CHDH: variants seen among roughly 807,000 people sequenced by gnomAD.
CHDH encodes the protein choline dehydrogenase.
In CHDH, 43 loss-of-function variants were observed where a neutral mutation model predicts 56.9. The observed-to-expected ratio is 0.76, with a 90% CI of 0.59 to 0.97. The LOEUF is 0.97. Among genes scored for constraint, CHDH ranks in the 50% least tolerant of loss-of-function variants. The pLI, the probability that CHDH is intolerant of heterozygous loss-of-function variation, is 0.00. For synonymous variants in CHDH, 364 were observed against 348.5 expected (o/e 1.04, Z -0.50); for missense variants, 816 against 821.1 (o/e 0.99, Z 0.08).
At chr3:53,843,487 G>C (rs1040722910) in intron 1 of CHDH, among the ~76,000 whole-genome samples, 1 of 152,026 alleles carries the variant, frequency 6.6e-6, no homozygotes, top group African/African-American at 2.4e-5. Context: ...CTAGGGTCTG[G>C]GTCAGGGCCA....
At chr3:53,831,289 C>T (rs1234327371) in intron 2 of CHDH, among the ~76,000 whole-genome samples, 1 of 152,260 alleles carries the variant, frequency 6.6e-6, no homozygotes, top group Non-Finnish European at 1.5e-5. Flanking sequence ...ACTCCAGTAC[C>T]TGGCTCCCGG....
chr3:53,823,583 C>G lies in CHDH; in HGVS notation c.426G>C (p.Gly142=). 1 of 1,543,544 alleles carries G rather than the reference C, an allele frequency of 6.5e-7. No homozygotes were observed. ...GCCAGCGCTCGTAGTCCTCGGCGTG[C>G]CCACGGACGTAGACCATGGCATTGA... is the stretch of plus-strand genomic sequence containing the variant. The part of the protein sequence containing the change: ...SSLNAMVYVR[G]HAEDYERWQR... The change falls in exon 3 of 9, where the codon GGG becomes GGC. Residue 142 remains glycine (G), a synonymous_variant. Coordinates refer to ENST00000315251, the MANE Select transcript of CHDH (RefSeq NM_018397.5).
At position 53,823,371 on chromosome 3, in the gene CHDH, A is replaced by G; in HGVS notation, c.638T>C (p.Leu213Pro). The G allele has an allele frequency of 6.2e-7, 1 of 1,605,164 alleles. No individual in the cohort carries two copies. Among genetic ancestry groups the G allele is most frequent in the Non-Finnish European group, 8.5e-7 (1 of 1,175,222 alleles). Residue 213 changes from leucine to proline, a missense_variant, in exon 3 of 9, where the codon CTC becomes CCC. By Grantham distance (98) the Leu-to-Pro change is moderately conservative. Transcript: ENST00000315251. ...CTGGAAGCCATTCATGTCCTCGGTG[A>G]GCGGGTAGCCGGCCTGCTGCGTGGC... is the stretch of plus-strand genomic sequence containing the variant. ...LEATQQAGYP[L>P]TEDMNGFQQE...
Position 53,823,739 on chromosome 3 carries a change from C to T in CHDH, c.270G>A (p.Met90Ile), listed in dbSNP as rs776276928. ...ACAGGTTGGCCACCAGGGCCGCGGG[C>T]ATGTGGATCTTCCACGAGAGCCGCT... ...GSKRLSWKIH[M>I]PAALVANLCD... The change falls in exon 3 of 9, where the codon ATG becomes ATA. Residue 90 changes from methionine to isoleucine, a missense_variant. Physicochemically the swap from Met to Ile is conservative, Grantham distance 10 (BLOSUM62 1). Coordinates refer to ENST00000315251, the MANE Select transcript of CHDH (RefSeq NM_018397.5). The T allele has an allele frequency of 5.8e-5, 90 of 1,555,262 alleles. No homozygotes were observed. The highest frequency in any genetic ancestry group is 4.2e-5 in the Non-Finnish European group (48 of 1,150,744).
rs1052143946 is a variant in CHDH at position 53,823,849 on chromosome 3, C to T, written c.160G>A (p.Val54Met). Residue 54 changes from valine (V) to methionine (M), a missense_variant, in exon 3 of 9, where the codon GTG becomes ATG. Transcript: ENST00000315251. Reference sequence around the variant, plus strand: ...TCCTCCGTGAGCCTCCCAGCCAGCACGCAGCCCGCCGAGCCCGCGCCCACC... The same window carrying T: ...TCCTCCGTGAGCCTCCCAGCCAGCATGCAGCCCGCCGAGCCCGCGCCCACC... ...VVVGAGSAGCVLAGRLTEDPA... is the reference protein window; with the variant it reads ...VVVGAGSAGCMLAGRLTEDPA... 3.2e-6 allele frequency: 5 copies of T among 1,586,050 alleles called. No homozygotes were observed. The highest frequency in any genetic ancestry group is 1.7e-5 in the Admixed American group (1 of 57,726).
At position 53,840,468 on chromosome 3, in the gene CHDH, C is replaced by T. The variant is rs372759199; in HGVS notation, c.-60+461G>A. 2.6e-5 allele frequency among the ~76,000 whole-genome samples: 4 copies of T among 151,702 alleles called. No individual in the cohort carries two copies. The East Asian group carries it at 7.7e-4, about 29-fold the overall frequency. ...GCTTGAGCCCAGGAGTTCAAGGTTACGTGAGCTATGATCTTGCCACTGTAC... is the reference window on the plus strand; with the variant it reads ...GCTTGAGCCCAGGAGTTCAAGGTTATGTGAGCTATGATCTTGCCACTGTAC... On this transcript the variant is annotated intron_variant, in intron 2 of 8. Coordinates refer to ENST00000315251, the MANE Select transcript of CHDH (RefSeq NM_018397.5).
At position 53,818,013 on chromosome 3, in the gene CHDH, T is replaced by C. The variant is rs2095618840; in HGVS notation, c.1549A>G (p.Lys517Glu). 1 of 1,614,116 alleles carries C rather than the reference T, an allele frequency of 6.2e-7. No homozygotes were observed. Among genetic ancestry groups the C allele is most frequent in the Non-Finnish European group, 8.5e-7 (1 of 1,180,050 alleles). The change falls in exon 9 of 9, where the codon AAG (lysine) becomes GAG (glutamate). Residue 517 changes from lysine to glutamate, a missense_variant. Coordinates refer to ENST00000315251, the MANE Select transcript of CHDH (RefSeq NM_018397.5). ...DSAYHPSCTC[K>E]MGQPSDPTAV... Reference sequence around the variant, plus strand: ...GTGGGATCGGAGGGCTGGCCCATCTTACAGGTGCACGAGGGGTGGTAGGCG... The same window carrying C: ...GTGGGATCGGAGGGCTGGCCCATCTCACAGGTGCACGAGGGGTGGTAGGCG...
intron 1 of CHDH, among the ~76,000 whole-genome samples, chr3:53,842,660 C>A (rs1444583816): frequency 6.6e-6 from 1 of 152,204 alleles, no homozygotes; most frequent in Non-Finnish European, 1.5e-5. Context: ...GCTGAGTTAA[C>A]ACCTAGCCTG....
In CHDH at chr3:53,823,878, A is replaced by G; in HGVS notation, c.131T>C (p.Val44Ala). ...GSESRDEYSY[V>A]VVGAGSAGCV... ...GCCCGCCGAGCCCGCGCCCACCACC[A>G]CATAGCTGTACTCGTCCCGGCTCTC... is the stretch of plus-strand genomic sequence containing the variant. The change falls in exon 3 of 9, where the codon GTG (valine) becomes GCG (alanine). Residue 44 changes from valine to alanine, a missense_variant. Val to Ala is a moderately conservative substitution (Grantham distance 64). Transcript: ENST00000315251. The G allele has an allele frequency of 6.3e-7, 1 of 1,590,174 alleles. No homozygotes were observed. Among genetic ancestry groups the G allele is most frequent in the Non-Finnish European group, 8.5e-7 (1 of 1,175,904 alleles).
intron 2 of CHDH, among the ~76,000 whole-genome samples, chr3:53,829,110 C>T (rs544631570): frequency 6.6e-6 from 1 of 152,192 alleles, no homozygotes; most frequent in South Asian, 2.1e-4. Flanking sequence ...AAGGAGGAAA[C>T]TTAAATGCAT....
intron 2 of CHDH, among the ~76,000 whole-genome samples, chr3:53,827,832 A>C (rs991946395): frequency 2.6e-5 from 4 of 152,248 alleles, no homozygotes; most frequent in Admixed American, 2.6e-4. Flanking sequence ...CTACAAATTC[A>C]ATGCAGTCCC....
rs768771121 is a variant in CHDH, at chr3:53,817,966, T to C, written c.1596A>G (p.Thr532=). The change falls in exon 9 of 9, where the codon ACA becomes ACG. Residue 532 remains threonine, a synonymous_variant. Transcript: ENST00000315251. The stretch of plus-strand genomic sequence containing the variant: ...TGAGGTTTTCCACCCCGAGGACCCT[T>C]GTCTGCGGATCCACCACGGCAGTGG... ...SDPTAVVDPQ[T]RVLGVENLRV... 1.2e-6 allele frequency: 2 copies of C among 1,614,166 alleles called. No homozygotes were observed.
chr3:53,820,740 C>G (rs902327007), intron 5 of CHDH, 132 bp from the exon 6 acceptor site: 8 of 1,189,598 alleles, frequency 6.7e-6, no homozygotes, highest in Admixed American at 2.5e-5. Context: ...GTTCCCTGGT[C>G]TCAGCTTAAA....
chr3:53,827,490 A>AAT (rs3079408), intron 2 of CHDH, among the ~76,000 whole-genome samples: 18,702 of 152,024 alleles, frequency 0.12, 2,025 homozygotes, highest in East Asian at 0.29. Flanking sequence ...TCTCTAAAAA[A>AAT]AAATAACTAG....
chr3:53,820,394 A>C, intron 6 of CHDH, 80 bp downstream of exon 6: 1 of 1,500,510 alleles, frequency 6.7e-7, no homozygotes, highest in Non-Finnish European at 9.0e-7. Flanking sequence ...CAGTGGCCAG[A>C]ACCCCTGTTC....
In CHDH at chr3:53,817,579, T is replaced by TG. The variant is rs2095617996; in HGVS notation, c.*197dup. On this transcript the variant is annotated 3_prime_UTR_variant, in exon 9 of 9. Coordinates refer to ENST00000315251, the MANE Select transcript of CHDH (RefSeq NM_018397.5). ...CCCCAAATGGCCCACAGGGAAAGGCTGGGGAAAAGGAGCTGGATTCACTGC... is the reference window on the plus strand; with the variant it reads ...CCCCAAATGGCCCACAGGGAAAGGCTGGGGGAAAAGGAGCTGGATTCACTGC... 7.2e-6 allele frequency: 4 copies of TG among 558,350 alleles called. No homozygotes were observed. In the South Asian group the frequency reaches 1.1e-4, roughly 15 times the overall value. The allele number at this position is 558,350 out of a possible 1,614,324, so 34.6% of individuals were successfully genotyped here.
chr3:53,842,842 G>A (rs530847708), intron 1 of CHDH, among the ~76,000 whole-genome samples: 102 of 152,278 alleles, frequency 6.7e-4, no homozygotes, highest in African/African-American at 2.4e-3. Context: ...CAGAACATGG[G>A]GTTGAGGGAG....
Position 53,818,199 on chromosome 3 carries a change from T to A in CHDH, c.1367-4A>T, listed in dbSNP as rs2095619290. ...CGGAAATCCTCAATATCAGTTTCTG[T>A]CGAGGAGAAGAAACAGGTGAGGACC... is the stretch of plus-strand genomic sequence containing the variant. On this transcript the variant is annotated splice_region_variant and splice_polypyrimidine_tract_variant and intron_variant, in intron 8 of 8. Transcript: ENST00000315251. The A allele has an allele frequency of 6.3e-7, 1 of 1,593,352 alleles. No homozygotes were observed. The highest frequency in any genetic ancestry group is 1.3e-5 in the African/African-American group (1 of 74,310).
At chr3:53,828,207 T>C (rs1698211812) in intron 2 of CHDH, among the ~76,000 whole-genome samples, 1 of 133,516 alleles carries the variant, frequency 7.5e-6, no homozygotes, top group Non-Finnish European at 1.6e-5. Context: ...ACAGAGTAAA[T>C]ATAGACAAAG....
Sources: allele counts gnomAD v4.1 joint callset (sites outside exome capture counted in the v4.1 genomes callset), GRCh38; gene constraint gnomAD v4.1.1; transcripts MANE v1.5; gene names NCBI Gene and HGNC (gene_info 2026-07-23, HGNC 2026-07-21).